Variants in RNF44 observed in about 807,000 individuals in gnomAD.
RNF44 encodes ring finger protein 44.
Under a neutral mutation model 53.6 loss-of-function variants are expected in RNF44, and 25 were observed. The ratio of observed to expected loss-of-function variants is 0.47; its 90% CI spans 0.34 to 0.65. The LOEUF (loss-of-function observed/expected upper bound fraction) is 0.65. Ranked by LOEUF, RNF44 falls within the 30% of genes least tolerant of loss-of-function variation. The pLI, the probability that RNF44 is intolerant of heterozygous loss-of-function variation, is 0.01. For synonymous variants in RNF44, 282 were observed against 252.2 expected, an observed-to-expected ratio of 1.12 and a Z score of -1.12; for missense variants, 581 against 595.5, an observed-to-expected ratio of 0.98 and a Z score of 0.25.
At position 176,531,787 on chromosome 5, in the gene RNF44, GC is replaced by G; in HGVS notation, c.298-158del. On this transcript the variant is annotated intron_variant, in intron 3 of 10. Transcript: ENST00000274811. This position sits in a 1 kb window ranked among gnomAD's most constrained non-coding sequence, Gnocchi z 4.2. ...GACCAGACTGTGCCTCTACTCCCAG[GC>G]CCCCGGGGCAGAGAAAGCCCCGTGG... The G allele has an allele frequency of 2.3e-6, 2 of 884,194 alleles. No individual in the cohort carries two copies. Among genetic ancestry groups the G allele is most frequent in the Admixed American group, 3.0e-5 (1 of 33,438 alleles). 54.8% of individuals were successfully genotyped at this position (884,194 alleles called of 1,614,324 possible). A position where few individuals can be genotyped will look rare whatever the true frequency, so the allele number is the denominator to read the frequency against.
chr5:176,529,219 C>G (rs746778042), intron 10 of RNF44, 69 bp downstream of exon 10: 124 of 1,548,822 alleles, frequency 8.0e-5, no homozygotes, highest in Non-Finnish European at 9.9e-5. Flanking sequence ...AGGAGGGAAA[C>G]AGCCCAGGCC....
Position 176,531,888 on chromosome 5 carries a change from A to G in RNF44, c.297+116T>C. The stretch of plus-strand genomic sequence containing the variant: ...TTTACCTACCTGTAAAGCAGGGCCA[A>G]TAATGCCTCCCTGGAACGTGAAATG... On this transcript the variant is annotated intron_variant, in intron 3 of 10. Coordinates refer to ENST00000274811, the MANE Select transcript of RNF44 (RefSeq NM_014901.5). This position sits in a 1 kb window ranked among gnomAD's most constrained non-coding sequence, Gnocchi z 4.2. 1 of 1,193,822 alleles carries G rather than the reference A, an allele frequency of 8.4e-7. No individual in the cohort carries two copies. Among genetic ancestry groups the G allele is most frequent in the Admixed American group, 2.8e-5 (1 of 35,260 alleles). 74.0% of individuals were successfully genotyped at this position (1,193,822 alleles called of 1,614,324 possible).
chr5:176,529,969 C>G, intron 7 of RNF44, 113 bp downstream of exon 7: 1 of 1,404,768 alleles, frequency 7.1e-7, no homozygotes, highest in African/African-American at 1.4e-5. Context: ...AAGGGGGGAA[C>G]GCCAGGTGGC....
At chr5:176,536,775 C>CT (rs1447970941) in intron 1 of RNF44, among the ~76,000 whole-genome samples, 165 bp downstream of exon 1, 1 of 135,968 alleles carries the variant, frequency 7.4e-6, no homozygotes, top group Non-Finnish European at 1.6e-5. Flanking sequence ...CACGGGGGGC[C>CT]TTGGGGGGGG....
Position 176,531,475 on chromosome 5 carries a change from G to A in RNF44, c.453C>T (p.Cys151=), listed in dbSNP as rs1176567377. The A allele has an allele frequency of 6.4e-7, 1 of 1,563,814 alleles. No homozygotes were observed. Among genetic ancestry groups the A allele is most frequent in the Non-Finnish European group, 8.7e-7 (1 of 1,154,940 alleles). ...MFSGQHYPLC[C]LPPPLIQACT... ...AACACTCACTCACCGGGGGCGGGAG[G>A]CAGCAGAGGGGGTAATGCTGCCCAC... is the stretch of plus-strand genomic sequence containing the variant. The change falls in exon 4 of 11, where the codon TGC becomes TGT. Residue 151 remains cysteine (C), a synonymous_variant. Coordinates refer to ENST00000274811, the MANE Select transcript of RNF44 (RefSeq NM_014901.5). This position sits in a 1 kb window ranked among gnomAD's most constrained non-coding sequence, Gnocchi z 4.2.
rs1344851855 is a variant in RNF44, at chr5:176,530,698, G to A, written c.685C>T (p.Pro229Ser). ...GAGTAGGTGAAGCTGCCCAGGGAGG[G>A]CTGGTCCCCACGCAGGTCCACGTCG... ...DNDVDLRGDQ[P>S]SLGSFTYSTS... is the part of the protein sequence containing the mutation. Residue 229 changes from proline to serine, a missense_variant, in exon 6 of 11, where the codon CCC becomes TCC. Coordinates refer to ENST00000274811, the MANE Select transcript of RNF44 (RefSeq NM_014901.5). 4 of 1,551,326 alleles carry A rather than the reference G, an allele frequency of 2.6e-6. No individual in the cohort carries two copies. The African/African-American group carries it at 4.2e-5, about 16-fold the overall frequency.
At chr5:176,538,686 T>G (rs1487726786), upstream of RNF44, among the ~76,000 whole-genome samples, 1 of 141,690 alleles carries the variant, frequency 7.1e-6, no homozygotes, top group African/African-American at 2.5e-5. Context: ...ACCTGTGTGG[T>G]GGGCCATGGG....
At chr5:176,529,909 C>A (rs1250321627) in intron 7 of RNF44, 91 bp from the exon 8 acceptor site, 4 of 1,409,844 alleles carry the variant, frequency 2.8e-6, no homozygotes, top group Admixed American at 2.7e-5. Context: ...CAAACAGAGC[C>A]CAGAACGTTG....
In RNF44 at chr5:176,528,498, G is replaced by C. The variant is rs1368254414; in HGVS notation, c.*530C>G. The C allele has an allele frequency of 4.5e-5, 7 of 155,856 alleles. No individual in the cohort carries two copies. The South Asian group carries it at 1.3e-3, about 30-fold the overall frequency. The allele number at this position is 155,856 out of a possible 1,614,324, so 9.7% of individuals were successfully genotyped here. ...CTCAGCCCTCACAGCAGCCAACACA[G>C]AGCCAGCTGCCTGAGTTCACTGTTC... is the stretch of plus-strand genomic sequence containing the variant. On this transcript the variant is annotated 3_prime_UTR_variant, in exon 11 of 11. Coordinates refer to ENST00000274811, the MANE Select transcript of RNF44 (RefSeq NM_014901.5).
At position 176,531,657 on chromosome 5, in the gene RNF44, G is replaced by C. The variant is rs781175783; in HGVS notation, c.298-27C>G. ...TGTGGGTGGAGAGAACGCCGGGAAA[G>C]TATGAAAAGGAAGCTGACCGCGAGG... On this transcript the variant is annotated intron_variant, in intron 3 of 10. Coordinates refer to ENST00000274811, the MANE Select transcript of RNF44 (RefSeq NM_014901.5). The surrounding 1 kb of genome is among the most constrained non-coding windows in gnomAD (Gnocchi z 4.2). The C allele has an allele frequency of 1.9e-6, 3 of 1,585,916 alleles. No homozygotes were observed. The African/African-American group carries it at 4.1e-5, about 21-fold the overall frequency.
In RNF44 at chr5:176,531,250, G is replaced by C. The variant is rs1421839392; in HGVS notation, c.465+213C>G. On this transcript the variant is annotated intron_variant, in intron 4 of 10. Coordinates refer to ENST00000274811, the MANE Select transcript of RNF44 (RefSeq NM_014901.5). This position sits in a 1 kb window ranked among gnomAD's most constrained non-coding sequence, Gnocchi z 4.2. ...GGGCCTCTGCCAAGCTGTGAGGCAG[G>C]TACAGGGGTACTGGAAGGTTCCTGA... is the stretch of plus-strand genomic sequence containing the variant. Among the ~76,000 whole-genome samples, 1 of 152,264 alleles carries C rather than the reference G, an allele frequency of 6.6e-6. No homozygotes were observed. Among genetic ancestry groups the C allele is most frequent in the Non-Finnish European group, 1.5e-5 (1 of 68,044 alleles).
chr5:176,534,585 G>A (rs1756995110), intron 1 of RNF44, among the ~76,000 whole-genome samples: 1 of 152,230 alleles, frequency 6.6e-6, no homozygotes, highest in Admixed American at 6.5e-5. Context: ...GAGGGATGGG[G>A]AACAAGGGCA....
chr5:176,529,967 A>G (rs1756405790), intron 7 of RNF44, 115 bp downstream of exon 7: 3 of 1,397,670 alleles, frequency 2.1e-6, no homozygotes, highest in Admixed American at 2.7e-5. Context: ...TTAAGGGGGG[A>G]ACGCCAGGTG....
rs759319674 is a variant in RNF44, at chr5:176,527,112, C to T, written c.*1916G>A. The T allele has an allele frequency of 1.3e-5, 2 of 152,274 alleles. No homozygotes were observed. The highest frequency in any genetic ancestry group is 2.9e-5 in the Non-Finnish European group (2 of 68,030). The allele number at this position is 152,274 out of a possible 1,614,324, so 9.4% of individuals were successfully genotyped here. ...TATATAAAACCTTTCTAACACAGAA[C>T]ACAGGCGCTGGGCCCAGCCAGGGCT... On this transcript the variant is annotated 3_prime_UTR_variant, in exon 11 of 11. Transcript: ENST00000274811.
At chr5:176,533,564 G>A (rs554461923) in intron 1 of RNF44, among the ~76,000 whole-genome samples, 1 of 152,328 alleles carries the variant, frequency 6.6e-6, no homozygotes, top group African/African-American at 2.4e-5. Flanking sequence ...TGGGGAGACT[G>A]TGGAGTCTGG....
chr5:176,538,190 G>T (rs1757350927), upstream of RNF44, among the ~76,000 whole-genome samples: 1 of 152,200 alleles, frequency 6.6e-6, no homozygotes, highest in Non-Finnish European at 1.5e-5. Context: ...TGAGAGTTTG[G>T]TGTCCCCGCG....
chr5:176,530,382 GTGGGCCTGCCTCCCAGC>G lies in RNF44; in HGVS notation c.801+183_802-177del, dbSNP rs1561845326. On this transcript the variant is annotated intron_variant, in intron 6 of 10. Transcript: ENST00000274811. ...CGGAGCCCACGTGCAAGTCAGCCCG[GTGGGCCTGCCTCCCAGC>G]CGCCCCGGAGCCCAGGTGCAAGTCA... Among the ~76,000 whole-genome samples the G allele has an allele frequency of 3.2e-3, 312 of 97,982 alleles. 22 individuals are homozygous for G. Among genetic ancestry groups the G allele is most frequent in the Non-Finnish European group, 4.4e-3 (212 of 48,404 alleles). The allele number at this position is 97,982 out of a possible 152,430, so 64.3% of individuals were successfully genotyped here.
In RNF44 at chr5:176,530,565, G is replaced by A. The variant is rs767004503; in HGVS notation, c.801+17C>T. 2.8e-6 allele frequency: 4 copies of A among 1,414,924 alleles called. No homozygotes were observed. The highest frequency in any genetic ancestry group is 2.8e-6 in the Non-Finnish European group (3 of 1,084,540). 87.6% of individuals were successfully genotyped at this position (1,414,924 alleles called of 1,614,324 possible). ...CAGCTGCCCTGGAGCCCAGGTGGGG[G>A]TCGGGGTGGCACTCACCACACCAAA... is the stretch of plus-strand genomic sequence containing the variant. On this transcript the variant is annotated intron_variant, in intron 6 of 10. Coordinates refer to ENST00000274811, the MANE Select transcript of RNF44 (RefSeq NM_014901.5).
chr5:176,527,049 A>G lies in RNF44; in HGVS notation c.*1979T>C, dbSNP rs1304232205. 1 of 152,120 alleles carries G rather than the reference A, an allele frequency of 6.6e-6. No homozygotes were observed. Among genetic ancestry groups the G allele is most frequent in the East Asian group, 1.9e-4 (1 of 5,188 alleles). The allele number at this position is 152,120 out of a possible 1,614,324, so 9.4% of individuals were successfully genotyped here. A position where few individuals can be genotyped will look rare whatever the true frequency, so the allele number is the denominator to read the frequency against. Reference sequence around the variant, plus strand: ...ATGTGCAAGGAACAGGGCCCCCAAAATTACATATATTTCTACATATATATG... The same window carrying G: ...ATGTGCAAGGAACAGGGCCCCCAAAGTTACATATATTTCTACATATATATG... On this transcript the variant is annotated 3_prime_UTR_variant, in exon 11 of 11. Coordinates refer to ENST00000274811, the MANE Select transcript of RNF44 (RefSeq NM_014901.5).
Sources: allele counts gnomAD v4.1 joint callset (sites outside exome capture counted in the v4.1 genomes callset), GRCh38; gene constraint gnomAD v4.1.1; non-coding constraint Gnocchi (gnomAD v3.1); transcripts MANE v1.5; gene names NCBI Gene and HGNC (gene_info 2026-07-23, HGNC 2026-07-21).